Variants in BPTF observed in about 807,000 individuals in gnomAD.
BPTF encodes bromodomain PHD finger transcription factor.
Under a neutral mutation model 292.5 loss-of-function variants are expected in BPTF, and 18 were observed. That is an observed-to-expected ratio of 0.06 (90% confidence interval 0.04 to 0.09). BPTF has a LOEUF of 0.09. Ranked by LOEUF, BPTF falls within the 10% of genes least tolerant of loss-of-function variation. The pLI is 1.00. For synonymous variants in BPTF, 1,225 were observed against 1,251.9 expected (o/e 0.98, Z 0.45); for missense variants, 2,726 against 3,498.7 (o/e 0.78, Z 5.57).
intron 18 of BPTF, among the ~76,000 whole-genome samples, chr17:67,936,991 C>A (rs952108193): frequency 1.3e-5 from 2 of 152,134 alleles, no homozygotes; most frequent in Non-Finnish European, 2.9e-5. Context: ...GTGCCAGATG[C>A]TGTTCCAGGC....
chr17:67,886,830 C>T (rs1400325378), intron 4 of BPTF, among the ~76,000 whole-genome samples: 1 of 151,904 alleles, frequency 6.6e-6, no homozygotes. Flanking sequence ...TTTTTTAAAG[C>T]TGCTGCATGG....
intron 7 of BPTF, among the ~76,000 whole-genome samples, chr17:67,903,416 A>C (rs531126862): frequency 1.2e-4 from 19 of 152,352 alleles, no homozygotes; most frequent in Non-Finnish European, 2.5e-4. Flanking sequence ...AAGATCTTCT[A>C]GTGTAATTAT....
chr17:67,976,230 T>G (rs1422824301), intron 27 of BPTF, among the ~76,000 whole-genome samples: 1 of 152,182 alleles, frequency 6.6e-6, no homozygotes, highest in Non-Finnish European at 1.5e-5. Context: ...CCCAACACTT[T>G]GGGAGGCCAA....
At position 67,904,857 on chromosome 17, in the gene BPTF, A is replaced by G. The variant is rs768371378; in HGVS notation, c.2812+17A>G. 8 of 1,597,334 alleles carry G rather than the reference A, an allele frequency of 5.0e-6. No homozygotes were observed. The highest frequency in any genetic ancestry group is 1.3e-5 in the African/African-American group (1 of 74,672). On this transcript the variant is annotated intron_variant, in intron 9 of 27. Coordinates refer to ENST00000306378, the MANE Select transcript of BPTF (RefSeq NM_182641.4). ...TAGAAGGAAGTAAGTAATTAAAATT[A>G]CATGTCCTGCATAATCGTTTCTGCT...
chr17:67,894,259 C>T (rs1411907731), intron 7 of BPTF, 94 bp downstream of exon 7: 33 of 1,291,634 alleles, frequency 2.6e-5, no homozygotes, highest in Non-Finnish European at 3.4e-5. Flanking sequence ...TTTAAGAGGC[C>T]ATATTGAAGA....
Position 67,982,559 on chromosome 17 carries a change from AAG to A in BPTF, c.*273_*274del, listed in dbSNP as rs532258117. 23 of 329,614 alleles carry A rather than the reference AAG, an allele frequency of 7.0e-5. No homozygotes were observed. Among genetic ancestry groups the A allele is most frequent in the Non-Finnish European group, 1.2e-4 (21 of 181,118 alleles). 20.4% of individuals were successfully genotyped at this position (329,614 alleles called of 1,614,324 possible). ...AGAAAACTTTGTTTATTGAAAAAAA[AAG>A]AAAAAGAAAGCAAGAAAAAAAGATA... On this transcript the variant is annotated 3_prime_UTR_variant, in exon 28 of 28. Transcript: ENST00000306378.
chr17:67,945,815 T>A lies in BPTF; in HGVS notation c.7107T>A (p.Thr2369=). Residue 2369 remains threonine (T), a synonymous_variant, in exon 21 of 28, where the codon ACT becomes ACA. Coordinates refer to ENST00000306378, the MANE Select transcript of BPTF (RefSeq NM_182641.4). The part of the protein sequence containing the change: ...LSPGQQSQVQ[T]TTSQPIPIQP... ...CTGGACAACAATCCCAGGTTCAGAC[T>A]ACAACCTCACAACCGATTCCAATTC... The A allele has an allele frequency of 6.2e-7, 1 of 1,614,180 alleles. No individual in the cohort carries two copies. Among genetic ancestry groups the A allele is most frequent in the Non-Finnish European group, 8.5e-7 (1 of 1,180,038 alleles).
intron 5 of BPTF, among the ~76,000 whole-genome samples, chr17:67,892,653 A>G (rs2061194817): frequency 6.6e-6 from 1 of 152,174 alleles, no homozygotes; most frequent in Admixed American, 6.5e-5. Context: ...ACATTGCAGC[A>G]ATTGCTTAAA....
At chr17:67,945,209 AT>A (rs1159652947) in intron 20 of BPTF, among the ~76,000 whole-genome samples, 199 bp from the exon 21 acceptor site, 1 of 151,344 alleles carries the variant, frequency 6.6e-6, no homozygotes, top group Non-Finnish European at 1.5e-5. Flanking sequence ...ATAATTTTTT[AT>A]TTTTTTTGTT....
intron 1 of BPTF, among the ~76,000 whole-genome samples, chr17:67,829,220 A>C (rs1184131362): frequency 7.1e-6 from 1 of 140,890 alleles, no homozygotes; most frequent in Non-Finnish European, 1.5e-5. Context: ...TTTGTTTTTG[A>C]GTTGCTATTT....
intron 21 of BPTF, among the ~76,000 whole-genome samples, chr17:67,946,677 A>G (rs1258392512): frequency 6.6e-6 from 1 of 152,262 alleles, no homozygotes; most frequent in Non-Finnish European, 1.5e-5. Context: ...AAAGTTATTG[A>G]AAGTTGTCAT....
intron 7 of BPTF, among the ~76,000 whole-genome samples, chr17:67,900,268 C>T (rs1057163688): frequency 6.6e-6 from 1 of 151,968 alleles, no homozygotes; most frequent in African/African-American, 2.4e-5. Context: ...CAATGCCCGG[C>T]TAATTTTCGT....
chr17:67,936,341 G>A (rs150552568), intron 18 of BPTF, among the ~76,000 whole-genome samples: 3 of 152,156 alleles, frequency 2.0e-5, no homozygotes, highest in African/African-American at 7.2e-5. Context: ...TGTGAGACAG[G>A]TAGCTACTAG....
chr17:67,829,974 C>A (rs9915591), intron 1 of BPTF, among the ~76,000 whole-genome samples: 13 of 152,064 alleles, frequency 8.5e-5, no homozygotes, highest in African/African-American at 3.1e-4. Flanking sequence ...TGTAAGGATG[C>A]CAACTTTTTA....
At chr17:67,913,267 A>G (rs2062766867) in intron 11 of BPTF, 80 bp downstream of exon 11, 1 of 1,472,800 alleles carries the variant, frequency 6.8e-7, no homozygotes, top group Admixed American at 2.3e-5. Flanking sequence ...ATTTTTAAAA[A>G]ATGAGATAAT....
chr17:67,951,792 A>G (rs553522648), intron 23 of BPTF: 1 of 152,326 alleles, frequency 6.6e-6, no homozygotes, highest in Non-Finnish European at 1.5e-5. Context: ...GCAGTGGTTC[A>G]TGCCTGTAAT....
In BPTF at chr17:67,854,654, C is replaced by G. The variant is rs2058587924; in HGVS notation, c.1328C>G (p.Thr443Ser). 6.2e-7 allele frequency: 1 copy of G among 1,614,022 alleles called. No homozygotes were observed. The highest frequency in any genetic ancestry group is 1.3e-5 in the African/African-American group (1 of 74,908). The change falls in exon 2 of 28, where the codon ACT becomes AGT. Residue 443 changes from threonine to serine, a missense_variant. By Grantham distance (58) the Thr-to-Ser change is moderately conservative. Transcript: ENST00000306378. This position sits in a 1 kb window ranked among gnomAD's most constrained non-coding sequence, Gnocchi z 5.6. The stretch of plus-strand genomic sequence containing the variant: ...GTAGCACACAAGGTGCCTGGTGTGA[C>G]TGACTGTGTTGCTGAAATCCAAAAA... ...VCVAHKVPGV[T>S]DCVAEIQKNK...
At chr17:67,937,948 CTA>C (rs1451070956) in intron 18 of BPTF, among the ~76,000 whole-genome samples, 8 of 152,124 alleles carry the variant, frequency 5.3e-5, no homozygotes, top group Non-Finnish European at 4.4e-5. Context: ...AACCCCATCT[CTA>C]TTAAAATACA....
At chr17:67,969,835 A>G (rs1361129426) in intron 26 of BPTF, among the ~76,000 whole-genome samples, 2 of 152,250 alleles carry the variant, frequency 1.3e-5, no homozygotes, top group African/African-American at 2.4e-5. Flanking sequence ...CTGAGGCAGG[A>G]GAATCGCTTG....
Sources: gnomAD v4.1 joint callset for allele counts (sites outside exome capture counted in the v4.1 genomes callset) on GRCh38, gnomAD v4.1.1 for gene constraint, Gnocchi (gnomAD v3.1) non-coding constraint, MANE v1.5 for transcripts, NCBI Gene and HGNC (gene_info 2026-07-23, HGNC 2026-07-21) for gene names.